COL9A1: variants seen among roughly 807,000 people sequenced by gnomAD.
COL9A1 encodes the protein collagen type IX alpha 1 chain.
In COL9A1, 104 loss-of-function variants were observed where a neutral mutation model predicts 142.6. The ratio of observed to expected loss-of-function variants is 0.73; its 90% confidence interval spans 0.62 to 0.86. The LOEUF is 0.86. COL9A1 is among the 40% of genes least tolerant of loss of function. The pLI, the probability that COL9A1 is intolerant of heterozygous loss-of-function variation, is 0.00. For synonymous variants in COL9A1, 466 were observed against 396.0 expected (o/e 1.18, Z -2.10); for missense variants, 1,210 against 1,176.6 (o/e 1.03, Z -0.42).
chr6:70,288,875 G>A (rs952414983), intron 5 of COL9A1, among the ~76,000 whole-genome samples: 1 of 152,062 alleles, frequency 6.6e-6, no homozygotes, highest in Non-Finnish European at 1.5e-5. Flanking sequence ...TGTATTTACA[G>A]TATCTGTCTT....
chr6:70,283,620 C>G, intron 6 of COL9A1, 117 bp downstream of exon 6: 1 of 792,254 alleles, frequency 1.3e-6, no homozygotes, highest in Non-Finnish European at 2.2e-6. Flanking sequence ...CACAGGCTCT[C>G]TTAGCGAAAG....
At chr6:70,277,837 C>T (rs1772869765) in intron 10 of COL9A1, among the ~76,000 whole-genome samples, 1 of 152,112 alleles carries the variant, frequency 6.6e-6, no homozygotes, top group Admixed American at 6.5e-5. Context: ...ACCCAAAGAG[C>T]AGAAGACGAA....
chr6:70,265,361 C>T (rs1478045486), intron 18 of COL9A1, among the ~76,000 whole-genome samples: 1 of 152,076 alleles, frequency 6.6e-6, no homozygotes, highest in Non-Finnish European at 1.5e-5. Flanking sequence ...AAGTCTACTA[C>T]ATCTGCTTTA....
In COL9A1 at chr6:70,274,059, C is replaced by A. The variant is rs75433477; in HGVS notation, c.1053G>T (p.Ser351=). 6 of 1,562,644 alleles carry A rather than the reference C, an allele frequency of 3.8e-6. No individual in the cohort carries two copies. Among genetic ancestry groups the A allele is most frequent in the Non-Finnish European group, 5.2e-6 (6 of 1,151,396 alleles). Reference sequence around the variant, plus strand: ...TACATTTACTTACTGGAAATCCACGCGATCCAGGCACACCAGGTTCTCCCT... The same window carrying A: ...TACATTTACTTACTGGAAATCCACGAGATCCAGGCACACCAGGTTCTCCCT... ...GQKGEPGVPG[S]RGFPGRGIPG... The change falls in exon 12 of 38, where the codon TCG becomes TCT. Residue 351 remains serine (S), a synonymous_variant. Transcript: ENST00000357250.
rs1050364230 is a variant in COL9A1 at position 70,267,319 on chromosome 6, G to GTTTTTTTTTTTTTTTTTTTTTT, written c.1288-550_1288-549insAAAAAAAAAAAAAAAAAAAAAA. Among the ~76,000 whole-genome samples the GTTTTTTTTTTTTTTTTTTTTTT allele has an allele frequency of 2.5e-4, 25 of 99,678 alleles. 1 individual carries two copies. The highest frequency in any genetic ancestry group is 4.2e-4 in the Non-Finnish European group (19 of 45,714). 65.4% of individuals were successfully genotyped at this position (99,678 alleles called of 152,430 possible). A position where few individuals can be genotyped will look rare whatever the true frequency, so the allele number is the denominator to read the frequency against. On this transcript the variant is annotated intron_variant, in intron 17 of 37. Transcript: ENST00000357250. ...TACATTTTTTGTTGTTGTTTGTTTGGTTTTTTTGTTTTTTTTTTTTGAGAT... is the reference window on the plus strand; with the variant it reads ...TACATTTTTTGTTGTTGTTTGTTTGGTTTTTTTTTTTTTTTTTTTTTTTTTTTTTGTTTTTTTTTTTTGAGAT...
rs901123016 is a variant in COL9A1, at chr6:70,239,200, C to T, written c.2112+54G>A. ...ATAAAGCAGAATATTATATATTCTA[C>T]AGCTTTATTAATGTTTTTAATTTTT... On this transcript the variant is annotated intron_variant, in intron 33 of 37. Coordinates refer to ENST00000357250, the MANE Select transcript of COL9A1 (RefSeq NM_001851.6). 2.4e-5 allele frequency: 26 copies of T among 1,105,524 alleles called. No individual in the cohort carries two copies. In the Admixed American group the frequency reaches 4.8e-4, roughly 20 times the overall value. 68.5% of individuals were successfully genotyped at this position (1,105,524 alleles called of 1,614,324 possible). A position where few individuals can be genotyped will look rare whatever the true frequency, so the allele number is the denominator to read the frequency against.
chr6:70,231,069 G>T lies in COL9A1; in HGVS notation c.2503+1514C>A, dbSNP rs534254887. ...TGCAGCAGAACCACCAGGAGGGCCT[G>T]TTAAACTAGACAGCTAGACCTCGAC... On this transcript the variant is annotated intron_variant, in intron 36 of 37. Coordinates refer to ENST00000357250, the MANE Select transcript of COL9A1 (RefSeq NM_001851.6). Among the ~76,000 whole-genome samples the T allele has an allele frequency of 3.3e-5, 5 of 152,280 alleles. No individual in the cohort carries two copies. The South Asian group carries it at 1.0e-3, about 32-fold the overall frequency.
At chr6:70,232,465 A>T in intron 36 of COL9A1, 118 bp downstream of exon 36, 2 of 1,144,086 alleles carry the variant, frequency 1.7e-6, no homozygotes, top group Non-Finnish European at 2.6e-6. Flanking sequence ...AGAGAATAAT[A>T]CATCTTATCT....
chr6:70,297,379 T>C (rs186799862), intron 4 of COL9A1, among the ~76,000 whole-genome samples: 182 of 152,266 alleles, frequency 1.2e-3, no homozygotes, highest in African/African-American at 4.2e-3. Flanking sequence ...ATGTTATTGA[T>C]CTTTGATCCT....
In COL9A1 at chr6:70,258,665, T is replaced by C. The variant is rs541508512; in HGVS notation, c.1450-1844A>G. 3 of 152,292 alleles carry C rather than the reference T, an allele frequency of 2.0e-5. No individual in the cohort carries two copies. The East Asian group carries it at 5.8e-4, about 29-fold the overall frequency. 9.4% of individuals were successfully genotyped at this position (152,292 alleles called of 1,614,324 possible). ...ACGTGGCTTTGATGCACTCTCTCTC[T>C]CTCTCTTATTGCTGTTCAGCATGAG... On this transcript the variant is annotated intron_variant, in intron 20 of 37. Coordinates refer to ENST00000357250, the MANE Select transcript of COL9A1 (RefSeq NM_001851.6).
chr6:70,283,130 A>G, intron 6 of COL9A1: 3 of 1,535,072 alleles, frequency 2.0e-6, no homozygotes, highest in Non-Finnish European at 1.7e-6. Flanking sequence ...CGCCACTAGC[A>G]TAGGTGGCAC....
intron 5 of COL9A1, among the ~76,000 whole-genome samples, chr6:70,291,276 T>C (rs1465674137): frequency 6.6e-6 from 1 of 152,162 alleles, no homozygotes; most frequent in African/African-American, 2.4e-5. Context: ...CTGACCCATC[T>C]GGGAATTTCC....
chr6:70,270,702 C>T (rs1484684431), intron 14 of COL9A1, among the ~76,000 whole-genome samples: 1 of 152,140 alleles, frequency 6.6e-6, no homozygotes, highest in East Asian at 1.9e-4. Context: ...TTACAGAGGA[C>T]CTAGAGCAAC....
chr6:70,242,018 A>G lies in COL9A1; in HGVS notation c.1944T>C (p.Pro648=), dbSNP rs764866027. 6.3e-7 allele frequency: 1 copy of G among 1,596,918 alleles called. No homozygotes were observed. The highest frequency in any genetic ancestry group is 8.5e-7 in the Non-Finnish European group (1 of 1,170,344). ...GGGGCCCAGGCAAGCCAGGGAGGCC[A>G]GGGCTACCCAGAGAACCCTGGAAAG... is the stretch of plus-strand genomic sequence containing the variant. ...LPGKLGSLGS[P]GLPGLPGPPG... The change falls in exon 30 of 38, where the codon CCT becomes CCC. Residue 648 remains proline, a synonymous_variant. Transcript: ENST00000357250.
chr6:70,252,537 T>G (rs972024040), intron 26 of COL9A1, among the ~76,000 whole-genome samples: 1 of 152,186 alleles, frequency 6.6e-6, no homozygotes, highest in Non-Finnish European at 1.5e-5. Flanking sequence ...AAAGGTCAAA[T>G]GTCAAACAAT....
At chr6:70,242,609 T>A (rs1770334167) in intron 29 of COL9A1, 53 bp downstream of exon 29, 22 of 1,484,098 alleles carry the variant, frequency 1.5e-5, no homozygotes, top group Non-Finnish European at 2.1e-5. Flanking sequence ...TGCTTATTTT[T>A]AAAAATGCAT....
At chr6:70,242,059 C>G in intron 29 of COL9A1, 24 bp from the exon 30 acceptor site, 1 of 1,572,694 alleles carries the variant, frequency 6.4e-7, no homozygotes, top group Non-Finnish European at 8.7e-7. Context: ...ACAAAGTCCC[C>G]GGAGTTACTG....
At chr6:70,259,011 T>C (rs1368494163) in intron 20 of COL9A1, among the ~76,000 whole-genome samples, 1 of 152,042 alleles carries the variant, frequency 6.6e-6, no homozygotes, top group East Asian at 1.9e-4. Context: ...GACATAAATA[T>C]AGAAATATGA....
At chr6:70,276,570 T>G (rs1035762361) in intron 10 of COL9A1, among the ~76,000 whole-genome samples, 19 of 152,190 alleles carry the variant, frequency 1.2e-4, no homozygotes, top group African/African-American at 4.6e-4. Context: ...GGAAAGTTCT[T>G]TGAACTAAGT....
Sources: allele counts gnomAD v4.1 joint callset (sites outside exome capture counted in the v4.1 genomes callset), GRCh38; gene constraint gnomAD v4.1.1; transcripts MANE v1.5; gene names NCBI Gene and HGNC (gene_info 2026-07-23, HGNC 2026-07-21).